SPAG16: variants seen among roughly 807,000 people sequenced by gnomAD.
The protein encoded by SPAG16 is sperm-associated antigen 16 protein.
In SPAG16, 86 loss-of-function variants were observed where a neutral mutation model predicts 80.4. That is an observed-to-expected ratio of 1.07 (90% CI 0.90 to 1.28). The LOEUF (loss-of-function observed/expected upper bound fraction) is 1.28, where lower values mean the gene tolerates loss of function less well. SPAG16 is among the 50% of genes most tolerant of loss of function. The probability of loss-of-function intolerance (pLI) is 0.00; values close to 1 mark genes in which losing one functional copy is unlikely to be tolerated. For synonymous variants in SPAG16, 294 were observed against 265.9 expected (o/e 1.11, Z -1.03); for missense variants, 870 against 765.3 (o/e 1.14, Z -1.61).
intron 12 of SPAG16, among the ~76,000 whole-genome samples, chr2:213,947,741 G>GA (rs1320695264): frequency 2.0e-5 from 3 of 152,192 alleles, no homozygotes; most frequent in East Asian, 1.9e-4. Flanking sequence ...CTTGAGGAAA[G>GA]AAAAAATCCA....
intron 8 of SPAG16, among the ~76,000 whole-genome samples, chr2:213,368,398 A>G (rs925227700): frequency 6.6e-6 from 1 of 152,228 alleles, no homozygotes; most frequent in Non-Finnish European, 1.5e-5. Context: ...AAAATTCGTT[A>G]TTGATGGGAC....
chr2:213,949,179 T>TTTGTTTTTTTTTTGTTTTTTTGTTTTG (rs1553677654), intron 12 of SPAG16, among the ~76,000 whole-genome samples: 1 of 36,244 alleles, frequency 2.8e-5, no homozygotes, highest in Admixed American at 4.8e-4. Flanking sequence ...GTTTTTTTTT[T>TTTGTTTTTTTTTTGTTTTTTTGTTTTG]TTTTTTTTTT....
intron 15 of SPAG16, among the ~76,000 whole-genome samples, chr2:214,353,067 T>C (rs1698530337): frequency 6.6e-6 from 1 of 152,150 alleles, no homozygotes; most frequent in Non-Finnish European, 1.5e-5. Context: ...TTGCATCTTC[T>C]CTGGTTCTTT....
chr2:213,343,698 T>C (rs1444594528), intron 6 of SPAG16, among the ~76,000 whole-genome samples: 1 of 151,566 alleles, frequency 6.6e-6, no homozygotes, highest in African/African-American at 2.4e-5. Context: ...AATATGCAAA[T>C]GAAAAATTTA....
At chr2:214,018,463 T>C (rs575984833) in intron 13 of SPAG16, among the ~76,000 whole-genome samples, 1 of 152,262 alleles carries the variant, frequency 6.6e-6, no homozygotes, top group South Asian at 2.1e-4. Context: ...TTGAAAAGGG[T>C]AACCAGATTA....
chr2:213,387,591 A>T (rs913002782), intron 9 of SPAG16, among the ~76,000 whole-genome samples: 1 of 130,038 alleles, frequency 7.7e-6, no homozygotes, highest in Non-Finnish European at 1.6e-5. Context: ...AGTAGCTGGG[A>T]CTACAGGCGC....
chr2:214,403,061 A>C (rs1317341308), intron 15 of SPAG16, among the ~76,000 whole-genome samples: 1 of 150,502 alleles, frequency 6.6e-6, no homozygotes, highest in East Asian at 1.9e-4. Context: ...AAAAAAAAAA[A>C]CTCATCTGGG....
At chr2:214,175,161 G>A (rs745762116) in intron 15 of SPAG16, among the ~76,000 whole-genome samples, 3 of 148,982 alleles carry the variant, frequency 2.0e-5, no homozygotes, top group Non-Finnish European at 4.5e-5. Context: ...TGCAGAATTC[G>A]AAAGAAGGTT....
intron 15 of SPAG16, among the ~76,000 whole-genome samples, chr2:214,405,946 T>A (rs1304759188): frequency 1.3e-5 from 2 of 152,214 alleles, no homozygotes; most frequent in Admixed American, 6.5e-5. Flanking sequence ...GAATGAGGGC[T>A]ACCATCAACT....
chr2:214,183,087 C>T (rs1438100804), intron 15 of SPAG16, among the ~76,000 whole-genome samples: 2 of 151,860 alleles, frequency 1.3e-5, no homozygotes, highest in African/African-American at 2.4e-5. Context: ...CATTATTCTT[C>T]CTCTTTTAAA....
intron 15 of SPAG16, among the ~76,000 whole-genome samples, chr2:214,392,677 A>G (rs1457155820): frequency 7.0e-6 from 1 of 143,606 alleles, no homozygotes; most frequent in Non-Finnish European, 1.5e-5. Flanking sequence ...TGACAGGTAG[A>G]TAGAAAACCA....
At chr2:214,273,812 GT>G (rs1322941111) in intron 15 of SPAG16, among the ~76,000 whole-genome samples, 1 of 152,170 alleles carries the variant, frequency 6.6e-6, no homozygotes, top group African/African-American at 2.4e-5. Context: ...ATTTAAAGCA[GT>G]TTTTTCCAAT....
At chr2:213,425,608 C>T (rs139510920) in intron 9 of SPAG16, among the ~76,000 whole-genome samples, 12,005 of 146,370 alleles carry the variant, frequency 0.082, 720 homozygotes, top group South Asian at 0.15. Context: ...GCCGAGATGG[C>T]GCCACTGCAT....
chr2:213,879,878 C>A (rs144214300), intron 11 of SPAG16, among the ~76,000 whole-genome samples: 1 of 152,154 alleles, frequency 6.6e-6, no homozygotes, highest in African/African-American at 2.4e-5. Context: ...TTTATCCAAT[C>A]CACCGTTGGT....
At chr2:214,255,853 G>C (rs929762404) in intron 15 of SPAG16, among the ~76,000 whole-genome samples, 1 of 151,818 alleles carries the variant, frequency 6.6e-6, no homozygotes, top group Non-Finnish European at 1.5e-5. Context: ...GTTTGTTTAC[G>C]AATTACGCTA....
intron 15 of SPAG16, among the ~76,000 whole-genome samples, chr2:214,211,692 GT>G: frequency 6.6e-6 from 1 of 152,258 alleles, no homozygotes; most frequent in African/African-American, 2.4e-5. Context: ...TATCTCCCTA[GT>G]GGTCCAAGGA....
chr2:214,398,560 A>T (rs1701528641), intron 15 of SPAG16, among the ~76,000 whole-genome samples: 1 of 152,242 alleles, frequency 6.6e-6, no homozygotes. Flanking sequence ...TGAAGAGGTT[A>T]ACAGTGAGAA....
At chr2:213,432,269 T>G (rs777957289) in intron 9 of SPAG16, among the ~76,000 whole-genome samples, 7 of 151,768 alleles carry the variant, frequency 4.6e-5, no homozygotes, top group Non-Finnish European at 8.8e-5. Flanking sequence ...GAGACCAAGT[T>G]AAAAAATAAC....
At chr2:213,744,979 AT>A (rs1232259892) in intron 10 of SPAG16, among the ~76,000 whole-genome samples, 3 of 152,106 alleles carry the variant, frequency 2.0e-5, no homozygotes, top group African/African-American at 7.2e-5. Flanking sequence ...TCATTTATGG[AT>A]TTTGGGTATT....
Sources: allele counts gnomAD v4.1 joint callset (sites outside exome capture counted in the v4.1 genomes callset), GRCh38; gene constraint gnomAD v4.1.1; transcripts MANE v1.5; gene names NCBI Gene and HGNC (gene_info 2026-07-23, HGNC 2026-07-21).